RAB23: variants seen among roughly 807,000 people sequenced by gnomAD.
The protein encoded by RAB23 is RAB23, member RAS oncogene family, also known as ras-related protein Rab-23.
RAB23 carries 15 observed loss-of-function variants against 30.0 expected under a neutral mutation model. That is an observed-to-expected ratio of 0.50 (90% CI 0.33 to 0.77). RAB23 has a LOEUF of 0.77. RAB23 is among the 30% of genes least tolerant of loss of function. RAB23 has a pLI of 0.02. For synonymous variants in RAB23, 93 were observed against 94.0 expected (o/e 0.99, Z 0.06); for missense variants, 243 against 275.4 (o/e 0.88, Z 0.83).
Position 57,188,314 on chromosome 6 carries a change from A to T in RAB23, c.*2147T>A, listed in dbSNP as rs1175454040. The T allele has an allele frequency of 1.3e-5, 2 of 152,192 alleles. No individual in the cohort carries two copies. Among genetic ancestry groups the T allele is most frequent in the Admixed American group, 1.3e-4 (2 of 15,282 alleles). The allele number at this position is 152,192 out of a possible 1,614,324, so 9.4% of individuals were successfully genotyped here. On this transcript the variant is annotated 3_prime_UTR_variant, in exon 7 of 7. Coordinates refer to ENST00000468148, the MANE Select transcript of RAB23 (RefSeq NM_016277.5). Reference sequence around the variant, plus strand: ...GGTTAGGTTTAAAATACAGCAGTGCAAATTAAAAATTCAAATATGTAACAA... The same window carrying T: ...GGTTAGGTTTAAAATACAGCAGTGCTAATTAAAAATTCAAATATGTAACAA...
intron 5 of RAB23, among the ~76,000 whole-genome samples, 163 bp downstream of exon 5, chr6:57,194,603 ATAAT>A (rs988892359): frequency 2.0e-5 from 3 of 152,148 alleles, no homozygotes; most frequent in South Asian, 2.1e-4. Flanking sequence ...GCATTAGTAA[ATAAT>A]TAAGCACTAA....
intron 3 of RAB23, among the ~76,000 whole-genome samples, chr6:57,206,441 G>A (rs1457194412): frequency 1.3e-5 from 2 of 152,024 alleles, no homozygotes; most frequent in African/African-American, 4.8e-5. Context: ...AAAACAACAA[G>A]GAAATGAGCA....
At chr6:57,199,341 G>A (rs1765148818) in intron 3 of RAB23, among the ~76,000 whole-genome samples, 1 of 152,180 alleles carries the variant, frequency 6.6e-6, no homozygotes, top group Admixed American at 6.5e-5. Context: ...GAGCCCCAGT[G>A]GCCCACAGTG....
At chr6:57,193,021 G>A (rs894717020) in intron 6 of RAB23, among the ~76,000 whole-genome samples, 1 of 152,166 alleles carries the variant, frequency 6.6e-6, no homozygotes, top group East Asian at 1.9e-4. Flanking sequence ...GGATTGAAGA[G>A]AATCTGCATT....
intron 2 of RAB23, among the ~76,000 whole-genome samples, chr6:57,208,211 T>C (rs946438121): frequency 3.3e-5 from 5 of 152,192 alleles, no homozygotes; most frequent in African/African-American, 1.2e-4. Context: ...TTTTTTTCTT[T>C]GACACAGTCA....
chr6:57,217,803 G>A (rs959242357), intron 1 of RAB23, among the ~76,000 whole-genome samples: 4 of 152,054 alleles, frequency 2.6e-5, no homozygotes, highest in Non-Finnish European at 5.9e-5. Context: ...GAAACAAAAA[G>A]CTGGCTTTTT....
intron 6 of RAB23, among the ~76,000 whole-genome samples, chr6:57,192,721 C>G (rs1764885414): frequency 6.6e-6 from 1 of 152,064 alleles, no homozygotes. Context: ...GACTCTGTTT[C>G]TTTAAAAAAG....
intron 1 of RAB23, among the ~76,000 whole-genome samples, chr6:57,217,888 C>T (rs1258465812): frequency 4.6e-5 from 7 of 152,042 alleles, no homozygotes; most frequent in African/African-American, 1.4e-4. Context: ...TACCTAATAC[C>T]GGGAATAAAA....
At chr6:57,218,885 A>G (rs1466840382) in intron 1 of RAB23, among the ~76,000 whole-genome samples, 1 of 151,894 alleles carries the variant, frequency 6.6e-6, no homozygotes, top group Non-Finnish European at 1.5e-5. Context: ...AAAAGCATCT[A>G]TAACATAAAA....
chr6:57,211,618 C>T (rs933872156), intron 1 of RAB23, among the ~76,000 whole-genome samples: 13 of 152,112 alleles, frequency 8.5e-5, no homozygotes, highest in Admixed American at 3.9e-4. Context: ...TAATAGTGTA[C>T]GACCATGTGT....
chr6:57,187,431 CAT>C lies in RAB23; in HGVS notation c.*3028_*3029del, dbSNP rs1016445817. The C allele has an allele frequency of 1.3e-5, 2 of 152,126 alleles. No homozygotes were observed. The highest frequency in any genetic ancestry group is 4.8e-5 in the African/African-American group (2 of 41,422). The allele number at this position is 152,126 out of a possible 1,614,324, so 9.4% of individuals were successfully genotyped here. On this transcript the variant is annotated 3_prime_UTR_variant, in exon 7 of 7. Transcript: ENST00000468148. ...GAAAACCTAAGGAGTGACAATAGTACATGTGACATTCTTAACAGTTAAAAACT... is the reference window on the plus strand; with the variant it reads ...GAAAACCTAAGGAGTGACAATAGTACGTGACATTCTTAACAGTTAAAAACT...
chr6:57,206,456 G>A (rs1399714520), intron 3 of RAB23, among the ~76,000 whole-genome samples: 6 of 152,128 alleles, frequency 3.9e-5, no homozygotes, highest in Admixed American at 2.0e-4. Context: ...TGAGCAACAG[G>A]CTGAATTTTC....
At chr6:57,193,809 G>A (rs767633359) in intron 6 of RAB23, 33 bp downstream of exon 6, 1 of 1,607,966 alleles carries the variant, frequency 6.2e-7, no homozygotes, top group South Asian at 1.1e-5. Flanking sequence ...ACTTTACCAA[G>A]TAAACATGGG....
rs1301114221 is a variant in RAB23, at chr6:57,210,391, G to A, written c.-11C>T. On this transcript the variant is annotated 5_prime_UTR_variant, in exon 2 of 7. Coordinates refer to ENST00000468148, the MANE Select transcript of RAB23 (RefSeq NM_016277.5). ...ATCTTCCTCCAACATTTTTGGAGCTGAAATGGTTTCTGTACCAACTCTAAT... is the reference window on the plus strand; with the variant it reads ...ATCTTCCTCCAACATTTTTGGAGCTAAAATGGTTTCTGTACCAACTCTAAT... 1.2e-6 allele frequency: 2 copies of A among 1,613,574 alleles called. No homozygotes were observed. The highest frequency in any genetic ancestry group is 1.7e-6 in the Non-Finnish European group (2 of 1,179,662).
chr6:57,202,574 A>G (rs1450085641), intron 3 of RAB23, among the ~76,000 whole-genome samples: 1 of 152,200 alleles, frequency 6.6e-6, no homozygotes, highest in Non-Finnish European at 1.5e-5. Context: ...TTGCAACCCA[A>G]AAGGAAATCA....
Position 57,188,420 on chromosome 6 carries a change from G to GAGAT in RAB23, c.*2037_*2040dup, listed in dbSNP as rs1380006266. 4 of 152,122 alleles carry GAGAT rather than the reference G, an allele frequency of 2.6e-5. No individual in the cohort carries two copies. Among genetic ancestry groups the GAGAT allele is most frequent in the Admixed American group, 2.6e-4 (4 of 15,276 alleles). 9.4% of individuals were successfully genotyped at this position (152,122 alleles called of 1,614,324 possible). A position where few individuals can be genotyped will look rare whatever the true frequency, so the allele number is the denominator to read the frequency against. ...ATTACAGGAACTGTAACTATCCTCA[G>GAGAT]AGATTACTTTTTTTAAATATAGAAA... On this transcript the variant is annotated 3_prime_UTR_variant, in exon 7 of 7. Transcript: ENST00000468148.
Position 57,194,719 on chromosome 6 carries a change from C to T in RAB23, c.481+51G>A, listed in dbSNP as rs141479169. On this transcript the variant is annotated intron_variant, in intron 5 of 6. Coordinates refer to ENST00000468148, the MANE Select transcript of RAB23 (RefSeq NM_016277.5). Reference sequence around the variant, plus strand: ...TTTCTAAACAACACAATTTTAAAAGCGCAAGAATAAAATTTCTTTTTGCAA... The same window carrying T: ...TTTCTAAACAACACAATTTTAAAAGTGCAAGAATAAAATTTCTTTTTGCAA... 167 of 1,310,860 alleles carry T rather than the reference C, an allele frequency of 1.3e-4. 1 individual carries two copies. In the African/African-American group the frequency reaches 2.2e-3, roughly 17 times the overall value. 81.2% of individuals were successfully genotyped at this position (1,310,860 alleles called of 1,614,324 possible).
intron 3 of RAB23, 137 bp from the exon 4 acceptor site, chr6:57,196,743 GAACTCATC>G: frequency 9.6e-7 from 1 of 1,040,348 alleles, no homozygotes; most frequent in Non-Finnish European, 1.4e-6. Context: ...AATAAATGTT[GAACTCATC>G]TTTGTACTAC....
In RAB23 at chr6:57,215,656, CA is replaced by C. The variant is rs1765809820; in HGVS notation, c.-65-5212del. Among the ~76,000 whole-genome samples the C allele has an allele frequency of 2.0e-5, 3 of 151,982 alleles. No individual in the cohort carries two copies. The South Asian group carries it at 6.2e-4, about 32-fold the overall frequency. On this transcript the variant is annotated intron_variant, in intron 1 of 6. Transcript: ENST00000468148. The stretch of plus-strand genomic sequence containing the variant: ...CAAAAGAACAGCTAATGGAAGTTCT[CA>C]GTGGAAAAGAAATAATTTTTTAAAA...
Sources: gnomAD v4.1 joint callset for allele counts (sites outside exome capture counted in the v4.1 genomes callset) on GRCh38, gnomAD v4.1.1 for gene constraint, MANE v1.5 for transcripts, NCBI Gene and HGNC (gene_info 2026-07-23, HGNC 2026-07-21) for gene names.